The following PRKN variants were observed in gnomAD, a reference collection of about 807,000 sequenced individuals.
PRKN encodes the protein E3 ubiquitin-protein ligase parkin.
PRKN carries 56 observed loss-of-function variants against 59.5 expected under a neutral mutation model. The observed-to-expected ratio is 0.94, with a 90% CI of 0.76 to 1.18. The LOEUF (loss-of-function observed/expected upper bound fraction) is 1.18. Ranked by LOEUF, PRKN falls within the 50% of genes most tolerant of loss-of-function variation. The probability of loss-of-function intolerance (pLI) is 0.00; values close to 1 mark genes in which losing one functional copy is unlikely to be tolerated. For missense variants in PRKN, 657 were observed against 596.4 expected (o/e 1.10, Z -1.06); for synonymous variants, 250 against 222.1 (o/e 1.13, Z -1.12).
At chr6:162,052,468 G>A (rs1777682854) in intron 5 of PRKN, among the ~76,000 whole-genome samples, 4 of 151,998 alleles carry the variant, frequency 2.6e-5, no homozygotes, top group African/African-American at 4.8e-5. Flanking sequence ...ACCATGGCTT[G>A]TTTCCACATA....
intron 7 of PRKN, among the ~76,000 whole-genome samples, chr6:161,658,015 C>T (rs1330630370): frequency 1.6e-5 from 1 of 61,878 alleles, no homozygotes; most frequent in Non-Finnish European, 3.3e-5. Flanking sequence ...GACTCTGTCT[C>T]AAAAAAAAAA....
At chr6:161,871,283 C>G (rs955849839) in intron 6 of PRKN, among the ~76,000 whole-genome samples, 2 of 151,980 alleles carry the variant, frequency 1.3e-5, no homozygotes, top group African/African-American at 2.4e-5. Context: ...ACATGGCCCC[C>G]AAAAGTCTGT....
rs1188318577 is a variant in PRKN at position 161,470,266 on chromosome 6, C to T, written c.1083+78588G>A. On this transcript the variant is annotated intron_variant, in intron 9 of 11. Coordinates refer to ENST00000366898, the MANE Select transcript of PRKN (RefSeq NM_004562.3). This position sits in a 1 kb window ranked among gnomAD's most constrained non-coding sequence, Gnocchi z 5.1. ...TGCTTTAGTTATATTACTACCTTTG[C>T]TGTCATAGGCCCATTAGGGTATTAT... 2.0e-5 allele frequency among the ~76,000 whole-genome samples: 3 copies of T among 152,168 alleles called. No homozygotes were observed. Among genetic ancestry groups the T allele is most frequent in the Non-Finnish European group, 4.4e-5 (3 of 68,038 alleles).
intron 1 of PRKN, among the ~76,000 whole-genome samples, chr6:162,654,344 A>G (rs1475990768): frequency 1.3e-5 from 2 of 152,222 alleles, no homozygotes; most frequent in East Asian, 3.9e-4. Context: ...TTTCATACAA[A>G]GGAAAACTGA....
intron 2 of PRKN, among the ~76,000 whole-genome samples, chr6:162,365,467 C>T (rs921925858): frequency 3.3e-5 from 5 of 152,126 alleles, no homozygotes; most frequent in Non-Finnish European, 7.4e-5. Flanking sequence ...TGTACATCAA[C>T]TTCAAGCTTT....
intron 7 of PRKN, 41 bp from the exon 8 acceptor site, chr6:161,569,457 C>G: frequency 3.3e-6 from 5 of 1,525,616 alleles, no homozygotes; most frequent in Non-Finnish European, 4.5e-6. Context: ...GTCACTTTCA[C>G]TCTGTGTGGT....
At chr6:161,972,758 G>A (rs1264772707) in intron 6 of PRKN, among the ~76,000 whole-genome samples, 2 of 152,144 alleles carry the variant, frequency 1.3e-5, no homozygotes, top group African/African-American at 4.8e-5. Flanking sequence ...CTGGCCGGGT[G>A]CAGTGGCTCA....
At position 162,023,592 on chromosome 6, in the gene PRKN, G is replaced by A. The variant is rs112038167; in HGVS notation, c.618+30499C>T. On this transcript the variant is annotated intron_variant, in intron 5 of 11. Coordinates refer to ENST00000366898, the MANE Select transcript of PRKN (RefSeq NM_004562.3). The stretch of plus-strand genomic sequence containing the variant: ...TCGCCCTCTCCACGACTAGCGGCTT[G>A]CATCTTCTTCCGCCGATGTGCTCCT... 1.5e-3 allele frequency among the ~76,000 whole-genome samples: 226 copies of A among 152,264 alleles called. 3 individuals carry two copies. Among genetic ancestry groups the A allele is most frequent in the Non-Finnish European group, 2.2e-3 (152 of 68,018 alleles).
chr6:162,696,835 C>A (rs1411339195), intron 1 of PRKN, among the ~76,000 whole-genome samples: 6 of 151,880 alleles, frequency 4.0e-5, no homozygotes, highest in Admixed American at 3.9e-4. Flanking sequence ...TATGAGCTAC[C>A]GCACTTAGCC....
At chr6:162,143,624 C>T (rs992321767) in intron 4 of PRKN, among the ~76,000 whole-genome samples, 1 of 152,080 alleles carries the variant, frequency 6.6e-6, no homozygotes, top group Non-Finnish European at 1.5e-5. Flanking sequence ...ACATCAAGGG[C>T]AAACAAGATA....
rs990890766 is a variant in PRKN at position 161,560,346 on chromosome 6, G to A, written c.933+9009C>T. 6.6e-6 allele frequency among the ~76,000 whole-genome samples: 1 copy of A among 152,058 alleles called. No homozygotes were observed. Among genetic ancestry groups the A allele is most frequent in the African/African-American group, 2.4e-5 (1 of 41,390 alleles). On this transcript the variant is annotated intron_variant, in intron 8 of 11. Transcript: ENST00000366898. This position sits in a 1 kb window ranked among gnomAD's most constrained non-coding sequence, Gnocchi z 4.9. ...TCTTTCAAGGCCAGAGGTGAAGATG[G>A]TTGTCCCTTGGCTCCTTAACGACGC...
At position 161,554,341 on chromosome 6, in the gene PRKN, A is replaced by G. The variant is rs1474019122; in HGVS notation, c.934-5338T>C. 6.6e-6 allele frequency among the ~76,000 whole-genome samples: 1 copy of G among 151,932 alleles called. No individual in the cohort carries two copies. The highest frequency in any genetic ancestry group is 2.4e-5 in the African/African-American group (1 of 41,368). On this transcript the variant is annotated intron_variant, in intron 8 of 11. Coordinates refer to ENST00000366898, the MANE Select transcript of PRKN (RefSeq NM_004562.3). This position sits in a 1 kb window ranked among gnomAD's most constrained non-coding sequence, Gnocchi z 4.5. Reference sequence around the variant, plus strand: ...TAATTATACTGTATCCACACTGTTAACACATGCGGCCATTTCGAACTATGC... The same window carrying G: ...TAATTATACTGTATCCACACTGTTAGCACATGCGGCCATTTCGAACTATGC...
In PRKN at chr6:161,507,994, T is replaced by C. The variant is rs542076927; in HGVS notation, c.1083+40860A>G. 3.3e-5 allele frequency among the ~76,000 whole-genome samples: 5 copies of C among 152,330 alleles called. No homozygotes were observed. The South Asian group carries it at 1.0e-3, about 32-fold the overall frequency. On this transcript the variant is annotated intron_variant, in intron 9 of 11. Coordinates refer to ENST00000366898, the MANE Select transcript of PRKN (RefSeq NM_004562.3). ...CACATGGGAATGCCTTTCTATATTC[T>C]TATTTTTGGTAGTGAAGTTTCTGAT... is the stretch of plus-strand genomic sequence containing the variant.
intron 5 of PRKN, among the ~76,000 whole-genome samples, chr6:162,035,130 G>A (rs1008063607): frequency 6.3e-4 from 94 of 149,954 alleles, no homozygotes; most frequent in African/African-American, 2.3e-3. Context: ...GACAGACAGA[G>A]AGAAAGAGAG....
Position 162,471,993 on chromosome 6 carries a change from A to T in PRKN, c.8-28520T>A, listed in dbSNP as rs577842001. 2.6e-5 allele frequency among the ~76,000 whole-genome samples: 4 copies of T among 152,200 alleles called. No homozygotes were observed. In the East Asian group the frequency reaches 7.7e-4, roughly 29 times the overall value. On this transcript the variant is annotated intron_variant, in intron 1 of 11. Transcript: ENST00000366898. ...TGCTGGGCACCTGGTCCATAAGAAC[A>T]TTGAGAATAAATACTTTCCTGACAT...
intron 1 of PRKN, among the ~76,000 whole-genome samples, chr6:162,508,889 A>G (rs2128189823): frequency 6.6e-6 from 1 of 152,264 alleles, no homozygotes; most frequent in Admixed American, 6.5e-5. Context: ...AAAACAAACA[A>G]AATAAAGGAA....
At chr6:161,873,305 T>C (rs770684360) in intron 6 of PRKN, among the ~76,000 whole-genome samples, 4 of 151,968 alleles carry the variant, frequency 2.6e-5, no homozygotes, top group Non-Finnish European at 2.9e-5. Flanking sequence ...TCTCGCTCCA[T>C]GTTTGGAACA....
intron 9 of PRKN, among the ~76,000 whole-genome samples, chr6:161,404,612 G>A (rs1350408013): frequency 1.3e-5 from 2 of 152,118 alleles, no homozygotes; most frequent in Non-Finnish European, 2.9e-5. Flanking sequence ...AATGTGTCAG[G>A]GTGTCTCTAA....
chr6:161,427,776 T>A (rs949444325), intron 9 of PRKN, among the ~76,000 whole-genome samples: 5 of 152,152 alleles, frequency 3.3e-5, no homozygotes, highest in Non-Finnish European at 5.9e-5. Flanking sequence ...TCAAGTGTCA[T>A]GGAAGAGTAC....
Sources: allele counts gnomAD v4.1 joint callset (sites outside exome capture counted in the v4.1 genomes callset), GRCh38; gene constraint gnomAD v4.1.1; non-coding constraint Gnocchi (gnomAD v3.1); transcripts MANE v1.5; gene names NCBI Gene and HGNC (gene_info 2026-07-23, HGNC 2026-07-21).